The following KCTD5 variants were observed in gnomAD, a reference collection of about 807,000 sequenced individuals.
The protein encoded by KCTD5 is BTB/POZ domain-containing protein KCTD5.
KCTD5 carries 12 observed loss-of-function variants against 27.9 expected under a neutral mutation model. The observed-to-expected ratio is 0.43, with a 90% CI of 0.28 to 0.70. The LOEUF (loss-of-function observed/expected upper bound fraction) is 0.70, where lower values mean the gene tolerates loss of function less well. Ranked by LOEUF, KCTD5 falls within the 30% of genes least tolerant of loss-of-function variation. The pLI is 0.19. For synonymous variants in KCTD5, 147 were observed against 121.4 expected (o/e 1.21, Z -1.39); for missense variants, 226 against 274.8 (o/e 0.82, Z 1.26).
chr16:2,699,742 C>A, intron 3 of KCTD5, 79 bp from the exon 4 acceptor site: 1 of 1,349,420 alleles, frequency 7.4e-7, no homozygotes, highest in Non-Finnish European at 1.1e-6. Flanking sequence ...CTCAGCCTCC[C>A]TGGGTCACCT....
chr16:2,696,711 C>T (rs1000192137), intron 2 of KCTD5, among the ~76,000 whole-genome samples: 15 of 152,212 alleles, frequency 9.9e-5, no homozygotes, highest in Non-Finnish European at 2.1e-4. Context: ...CACTGGGCAG[C>T]GTCTGACTCC....
chr16:2,690,834 G>A (rs1242779758), intron 1 of KCTD5, among the ~76,000 whole-genome samples: 1 of 152,252 alleles, frequency 6.6e-6, no homozygotes, highest in Non-Finnish European at 1.5e-5. Context: ...TGCTGCCTTT[G>A]TCTCCATGAG....
intron 3 of KCTD5, among the ~76,000 whole-genome samples, chr16:2,698,417 A>T (rs2067596148): frequency 6.6e-6 from 1 of 152,220 alleles, no homozygotes; most frequent in Non-Finnish European, 1.5e-5. Context: ...AGGCGCCAGA[A>T]GGACCTTGGT....
In KCTD5 at chr16:2,696,681, C is replaced by T. The variant is rs559396897; in HGVS notation, c.361+638C>T. On this transcript the variant is annotated intron_variant, in intron 2 of 5. Transcript: ENST00000301738. Reference sequence around the variant, plus strand: ...GGGCGTGGCCCTGCTCCCCCGGGTCCGTGTCTGCGCATCGGTCTGCACTGG... The same window carrying T: ...GGGCGTGGCCCTGCTCCCCCGGGTCTGTGTCTGCGCATCGGTCTGCACTGG... 7.4e-3 allele frequency among the ~76,000 whole-genome samples: 1,134 copies of T among 152,240 alleles called. 10 individuals carry two copies. The highest frequency in any genetic ancestry group is 0.026 in the African/African-American group (1,079 of 41,536).
chr16:2,707,689 G>T lies in KCTD5; in HGVS notation c.*362G>T, dbSNP rs2067643290. 1 of 527,054 alleles carries T rather than the reference G, an allele frequency of 1.9e-6. No individual in the cohort carries two copies. The highest frequency in any genetic ancestry group is 1.9e-5 in the African/African-American group (1 of 52,256). 32.6% of individuals were successfully genotyped at this position (527,054 alleles called of 1,614,324 possible). A position where few individuals can be genotyped will look rare whatever the true frequency, so the allele number is the denominator to read the frequency against. On this transcript the variant is annotated 3_prime_UTR_variant, in exon 6 of 6. Transcript: ENST00000301738. ...GTGCTACACACAGTCTGGAAAAGCA[G>T]CCTGGGCTTCACTGGCAGGAAGCGG...
chr16:2,702,058 G>A (rs888115064), intron 4 of KCTD5, among the ~76,000 whole-genome samples: 11 of 152,154 alleles, frequency 7.2e-5, no homozygotes, highest in Admixed American at 2.0e-4. Flanking sequence ...TCAGGGACCC[G>A]TCTGTGCTCC....
chr16:2,708,551 C>T lies in KCTD5; in HGVS notation c.*1224C>T, dbSNP rs2067647947. The T allele has an allele frequency of 6.6e-6, 1 of 152,324 alleles. No homozygotes were observed. Among genetic ancestry groups the T allele is most frequent in the Non-Finnish European group, 1.5e-5 (1 of 68,072 alleles). 9.4% of individuals were successfully genotyped at this position (152,324 alleles called of 1,614,324 possible). A position where few individuals can be genotyped will look rare whatever the true frequency, so the allele number is the denominator to read the frequency against. On this transcript the variant is annotated 3_prime_UTR_variant, in exon 6 of 6. Coordinates refer to ENST00000301738, the MANE Select transcript of KCTD5 (RefSeq NM_018992.4). ...TGCAGACTGACCACCGGCCTCCCGC[C>T]TGCAGGTCAGAGGCTCTGACACTGT...
rs745730581 is a variant in KCTD5, at chr16:2,682,523, G to C, written c.-26G>C. The C allele has an allele frequency of 5.1e-6, 7 of 1,385,290 alleles. No homozygotes were observed. In the Admixed American group the frequency reaches 1.8e-4, roughly 36 times the overall value. 85.8% of individuals were successfully genotyped at this position (1,385,290 alleles called of 1,614,324 possible). A position where few individuals can be genotyped will look rare whatever the true frequency, so the allele number is the denominator to read the frequency against. On this transcript the variant is annotated 5_prime_UTR_variant, in exon 1 of 6. Coordinates refer to ENST00000301738, the MANE Select transcript of KCTD5 (RefSeq NM_018992.4). Reference sequence around the variant, plus strand: ...AAAGCCGGACGCTTCCGGTGGAAGGGAGCTGTTGCGGGGCTTGCTGGGATC... The same window carrying C: ...AAAGCCGGACGCTTCCGGTGGAAGGCAGCTGTTGCGGGGCTTGCTGGGATC...
rs1159031846 is a variant in KCTD5, at chr16:2,695,440, G to A, written c.253-495G>A. Among the ~76,000 whole-genome samples, 58 of 126,962 alleles carry A rather than the reference G, an allele frequency of 4.6e-4. 13 individuals are homozygous for A. The highest frequency in any genetic ancestry group is 2.9e-3 in the Admixed American group (37 of 12,942). The allele number at this position is 126,962 out of a possible 152,430, so 83.3% of individuals were successfully genotyped here. On this transcript the variant is annotated intron_variant, in intron 1 of 5. Coordinates refer to ENST00000301738, the MANE Select transcript of KCTD5 (RefSeq NM_018992.4). ...GCTGAAAGGTGCCCTCTCCACCCCT[G>A]GCAGGAAGCCCCTGTCACCCTGACC... is the stretch of plus-strand genomic sequence containing the variant.
chr16:2,698,212 C>T (rs2067595141), intron 3 of KCTD5, among the ~76,000 whole-genome samples: 1 of 152,242 alleles, frequency 6.6e-6, no homozygotes, highest in Admixed American at 6.5e-5. Context: ...CCTGCCCGGC[C>T]CAGACTCTGG....
chr16:2,697,534 G>A (rs571601696), intron 2 of KCTD5, among the ~76,000 whole-genome samples: 41 of 152,338 alleles, frequency 2.7e-4, no homozygotes, highest in African/African-American at 9.6e-4. Context: ...AGGCTTGGAG[G>A]GAAAATGCCA....
intron 5 of KCTD5, among the ~76,000 whole-genome samples, chr16:2,705,581 T>C (rs2067632026): frequency 6.6e-6 from 1 of 152,136 alleles, no homozygotes; most frequent in Non-Finnish European, 1.5e-5. Flanking sequence ...AGCAGACCCC[T>C]ATCTCAGCTG....
intron 1 of KCTD5, among the ~76,000 whole-genome samples, chr16:2,692,525 C>G (rs1278689888): frequency 1.3e-5 from 2 of 152,206 alleles, no homozygotes; most frequent in Admixed American, 1.3e-4. Flanking sequence ...CCAATTGTCT[C>G]TGTCCTCTTT....
chr16:2,683,371 T>C (rs1567192167), intron 1 of KCTD5: 1 of 152,334 alleles, frequency 6.6e-6, no homozygotes, highest in Non-Finnish European at 1.5e-5. Context: ...AGAAGATGCG[T>C]CCGTAGTATA....
At chr16:2,682,925 C>G in intron 1 of KCTD5, 125 bp downstream of exon 1, 1 of 1,222,540 alleles carries the variant, frequency 8.2e-7, no homozygotes, top group Non-Finnish European at 1.1e-6. Flanking sequence ...CTTCGAGCCC[C>G]GCGCTCCCTT....
intron 4 of KCTD5, among the ~76,000 whole-genome samples, chr16:2,702,027 C>G (rs906814587): frequency 1.6e-4 from 25 of 152,290 alleles, no homozygotes; most frequent in African/African-American, 5.8e-4. Flanking sequence ...CCTCCCGCTG[C>G]CCCCCTCCCT....
intron 1 of KCTD5, 180 bp downstream of exon 1, chr16:2,682,980 G>A (rs2067525303): frequency 1.5e-5 from 10 of 687,712 alleles, no homozygotes; most frequent in Admixed American, 1.3e-4. Context: ...TACCCTGGGA[G>A]GGGAGGGTGA....
intron 3 of KCTD5, among the ~76,000 whole-genome samples, chr16:2,699,488 G>A (rs1260216772): frequency 6.6e-6 from 1 of 152,236 alleles, no homozygotes; most frequent in Non-Finnish European, 1.5e-5. Flanking sequence ...ATGAATTCAG[G>A]GCTGCACGGT....
rs951837803 is a variant in KCTD5 at position 2,708,158 on chromosome 16, C to G, written c.*831C>G. On this transcript the variant is annotated 3_prime_UTR_variant, in exon 6 of 6. Transcript: ENST00000301738. ...GGCGTCTGTCAGTGCCTTGTCACGCCTGGCATAGAGGTTGGGCTGGAGGCC... is the reference window on the plus strand; with the variant it reads ...GGCGTCTGTCAGTGCCTTGTCACGCGTGGCATAGAGGTTGGGCTGGAGGCC... 1 of 152,762 alleles carries G rather than the reference C, an allele frequency of 6.5e-6. No homozygotes were observed. Among genetic ancestry groups the G allele is most frequent in the African/African-American group, 2.4e-5 (1 of 41,468 alleles). 9.5% of individuals were successfully genotyped at this position (152,762 alleles called of 1,614,324 possible).
Sources: allele counts gnomAD v4.1 joint callset (sites outside exome capture counted in the v4.1 genomes callset), GRCh38; gene constraint gnomAD v4.1.1; transcripts MANE v1.5; gene names NCBI Gene and HGNC (gene_info 2026-07-23, HGNC 2026-07-21).